EIF2D: variants seen among roughly 807,000 people sequenced by gnomAD.
The protein encoded by EIF2D is hepatocellular carcinoma-associated antigen 56.
EIF2D carries 56 observed loss-of-function variants against 77.4 expected under a neutral mutation model. The ratio of observed to expected loss-of-function variants is 0.72; its 90% CI spans 0.58 to 0.90. The LOEUF (loss-of-function observed/expected upper bound fraction) is 0.90. Among genes scored for constraint, EIF2D ranks in the 40% least tolerant of loss-of-function variants. The pLI, the probability that EIF2D is intolerant of heterozygous loss-of-function variation, is 0.00. For missense variants in EIF2D, 574 were observed against 706.5 expected (o/e 0.81, Z 2.13); for synonymous variants, 230 against 271.0 (o/e 0.85, Z 1.49).
At chr1:206,586,493 G>A in intron 2 of EIF2D, 1 of 234,844 alleles carries the variant, frequency 4.3e-6, no homozygotes, top group Non-Finnish European at 8.4e-6. Flanking sequence ...TGCTTTCTGA[G>A]GGTCTGCATG....
At chr1:206,590,785 TGAG>T (rs375604883), downstream of EIF2D, among the ~76,000 whole-genome samples, 74 of 152,146 alleles carry the variant, frequency 4.9e-4, no homozygotes, top group Middle Eastern at 3.2e-3. Flanking sequence ...TGAGAAAAAC[TGAG>T]AAGAGAAAGA....
Position 206,579,709 on chromosome 1 carries a change from G to A in EIF2D, c.*254+983C>T, listed in dbSNP as rs1553405873. On this transcript the variant is annotated intron_variant and NMD_transcript_variant, in intron 4 of 5. Coordinates refer to the EIF2D transcript ENST00000472709. The surrounding 1 kb of genome is among the most constrained non-coding windows in gnomAD (Gnocchi z 4.2). ...ACTGCACCCCAGACCAATTAAATCA[G>A]AATCTCCAGGGATGAAGCCCAGGCA... Among the ~76,000 whole-genome samples the A allele has an allele frequency of 6.6e-6, 1 of 152,180 alleles. No homozygotes were observed. The highest frequency in any genetic ancestry group is 2.4e-5 in the African/African-American group (1 of 41,446).
intron 2 of EIF2D, chr1:206,586,568 T>G: frequency 2.8e-6 from 1 of 363,414 alleles, no homozygotes; most frequent in Non-Finnish European, 5.1e-6. Flanking sequence ...AACTTAAGAT[T>G]ATTGAGTTTC....
In EIF2D at chr1:206,584,324, G is replaced by C; in HGVS notation, c.139-3162C>G. On this transcript the variant is annotated intron_variant and NMD_transcript_variant, in intron 2 of 5. Coordinates refer to the EIF2D transcript ENST00000472709. The surrounding 1 kb of genome is among the most constrained non-coding windows in gnomAD (Gnocchi z 4.9). The stretch of plus-strand genomic sequence containing the variant: ...GGTGCTGCTGGGGCAATGGCCCCGA[G>C]TGGCAGATATGATCATGCAAGGCGG... The C allele has an allele frequency of 6.6e-7, 1 of 1,507,560 alleles. No individual in the cohort carries two copies. The highest frequency in any genetic ancestry group is 9.0e-7 in the Non-Finnish European group (1 of 1,114,810). 93.4% of individuals were successfully genotyped at this position (1,507,560 alleles called of 1,614,324 possible).
chr1:206,607,775 C>T (rs189588950), intron 4 of EIF2D, among the ~76,000 whole-genome samples: 2 of 151,930 alleles, frequency 1.3e-5, no homozygotes, highest in South Asian at 2.1e-4. Context: ...ACATTGGATA[C>T]GTGAAGAGAA....
chr1:206,610,447 A>G (rs1417616473), intron 2 of EIF2D, among the ~76,000 whole-genome samples: 1 of 152,136 alleles, frequency 6.6e-6, no homozygotes, highest in African/African-American at 2.4e-5. Context: ...TAAGCACAGG[A>G]GGTTGAGGTT....
intron 5 of EIF2D, among the ~76,000 whole-genome samples, chr1:206,604,207 C>G (rs1333319702): frequency 6.6e-6 from 1 of 152,090 alleles, no homozygotes; most frequent in East Asian, 1.9e-4. Context: ...CTTTGGGAGG[C>G]CTAGATGGGC....
chr1:206,570,350 T>C (rs1668409169), downstream of EIF2D, among the ~76,000 whole-genome samples: 3 of 152,082 alleles, frequency 2.0e-5, no homozygotes, highest in Non-Finnish European at 4.4e-5. Context: ...TGCCTCGGCC[T>C]CCCTAAGTTC....
intron 4 of EIF2D, among the ~76,000 whole-genome samples, chr1:206,575,040 T>A (rs200613542): frequency 2.4e-5 from 1 of 42,332 alleles, no homozygotes; most frequent in Admixed American, 2.6e-4. Context: ...TTTTGTTTTT[T>A]TTTTTAGAAG....
At chr1:206,588,442 G>A (rs1572380536), downstream of EIF2D, 1 of 152,340 alleles carries the variant, frequency 6.6e-6, no homozygotes, top group South Asian at 2.1e-4. Flanking sequence ...GGACTGCAGA[G>A]ACACTCCAGT....
chr1:206,574,368 C>T (rs1464769138), intron 4 of EIF2D, among the ~76,000 whole-genome samples: 1 of 152,210 alleles, frequency 6.6e-6, no homozygotes, highest in Non-Finnish European at 1.5e-5. Context: ...GGGTCACATC[C>T]CATCTGCGTC....
At chr1:206,609,602 G>T in intron 2 of EIF2D, 143 bp from the exon 3 acceptor site, 1 of 589,632 alleles carries the variant, frequency 1.7e-6, no homozygotes, top group Non-Finnish European at 2.8e-6. Context: ...GTAAGGGGAT[G>T]CCCAGAGAGG....
downstream of EIF2D, chr1:206,588,431 A>C (rs1037930758): frequency 3.9e-5 from 6 of 152,376 alleles, no homozygotes; most frequent in African/African-American, 1.2e-4. Context: ...ACAAGTAGCC[A>C]GGACTGCAGA....
chr1:206,594,521 T>C (rs1553409689), intron 13 of EIF2D: 1 of 152,258 alleles, frequency 6.6e-6, no homozygotes, highest in Non-Finnish European at 1.5e-5. Flanking sequence ...AGTGTATTAC[T>C]ATCAGGGGTG....
chr1:206,586,980 C>T (rs782401148), downstream of EIF2D: 96 of 1,614,006 alleles, frequency 5.9e-5, 2 homozygotes, highest in South Asian at 7.5e-4. Flanking sequence ...CCTGGGTAAC[C>T]GGTCCTGCTT....
At chr1:206,608,809 T>C (rs1244406176) in intron 3 of EIF2D, among the ~76,000 whole-genome samples, 1 of 152,246 alleles carries the variant, frequency 6.6e-6, no homozygotes, top group Admixed American at 6.5e-5. Context: ...CCCAGCACTC[T>C]GGGAGGCCAA....
Position 206,609,361 on chromosome 1 carries a change from G to C in EIF2D, c.331+15C>G. 1.2e-6 allele frequency: 2 copies of C among 1,612,270 alleles called. No individual in the cohort carries two copies. Among genetic ancestry groups the C allele is most frequent in the Non-Finnish European group, 1.7e-6 (2 of 1,178,508 alleles). ...GGTTTCAGCCAATAGCCAGAATATA[G>C]GAGAATCCTCTTACCTGCTCCCCCT... On this transcript the variant is annotated intron_variant, in intron 3 of 14. Coordinates refer to ENST00000271764, the MANE Select transcript of EIF2D (RefSeq NM_006893.3).
At chr1:206,587,493 G>C (rs1553407939), downstream of EIF2D, 1 of 171,006 alleles carries the variant, frequency 5.8e-6, no homozygotes, top group Admixed American at 5.9e-5. Context: ...TGTTCCCGCG[G>C]CCCCAAGGTG....
intron 2 of EIF2D, among the ~76,000 whole-genome samples, chr1:206,581,765 T>C (rs1409637307): frequency 2.6e-5 from 4 of 152,088 alleles, no homozygotes; most frequent in Admixed American, 2.6e-4. Context: ...GAGCCTGACA[T>C]TGCATCGGTT....
Sources: allele counts gnomAD v4.1 joint callset (sites outside exome capture counted in the v4.1 genomes callset), GRCh38; gene constraint gnomAD v4.1.1; non-coding constraint Gnocchi (gnomAD v3.1); transcripts MANE v1.5; gene names NCBI Gene and HGNC (gene_info 2026-07-23, HGNC 2026-07-21).